Variants in ZNF48 observed in about 807,000 individuals in gnomAD.
ZNF48 encodes zinc finger protein 553.
ZNF48 carries 20 observed loss-of-function variants against 40.0 expected under a neutral mutation model. That is an observed-to-expected ratio of 0.50 (90% CI 0.35 to 0.73). The LOEUF (loss-of-function observed/expected upper bound fraction) is 0.73, where lower values mean the gene tolerates loss of function less well. Ranked by LOEUF, ZNF48 falls within the 30% of genes least tolerant of loss-of-function variation. The pLI is 0.01. For synonymous variants in ZNF48, 298 were observed against 329.7 expected (o/e 0.90, Z 1.04); for missense variants, 726 against 851.9 (o/e 0.85, Z 1.84).
At position 30,381,382 on chromosome 16, in the gene ZNF48, G is replaced by A. The variant is rs556208566; in HGVS notation, c.-16+2972G>A. 2.0e-5 allele frequency: 33 copies of A among 1,613,110 alleles called. No individual in the cohort carries two copies. Among genetic ancestry groups the A allele is most frequent in the South Asian group, 1.1e-4 (10 of 91,034 alleles). ...ATGAAGTAGAGGCAGCAGTGGACTCGGGAGTCCTGGATGTTCTTCCGGTTC... is the reference window on the plus strand; with the variant it reads ...ATGAAGTAGAGGCAGCAGTGGACTCAGGAGTCCTGGATGTTCTTCCGGTTC... On this transcript the variant is annotated intron_variant, in intron 1 of 2. Coordinates refer to the ZNF48 transcript ENST00000528032. The surrounding 1 kb of genome is among the most constrained non-coding windows in gnomAD (Gnocchi z 4.3).
chr16:30,386,430 T>C (rs1014704140), intron 1 of ZNF48, among the ~76,000 whole-genome samples: 68 of 152,038 alleles, frequency 4.5e-4, no homozygotes, highest in African/African-American at 1.6e-3. Flanking sequence ...CCCAGCACTT[T>C]GGGAGGCTGA....
chr16:30,378,353 C>T lies in ZNF48; in HGVS notation c.-73C>T, dbSNP rs2049779355. The T allele has an allele frequency of 6.0e-6, 8 of 1,329,590 alleles. No homozygotes were observed. In the South Asian group the frequency reaches 6.9e-5, roughly 11 times the overall value. The allele number at this position is 1,329,590 out of a possible 1,614,324, so 82.4% of individuals were successfully genotyped here. A position where few individuals can be genotyped will look rare whatever the true frequency, so the allele number is the denominator to read the frequency against. ...CGGCACCCGCGGAGGTCCCGGGGGG[C>T]GCTGGGCAGTGTGGGGCGCGGGGAT... On this transcript the variant is annotated 5_prime_UTR_variant, in exon 1 of 3. Transcript: ENST00000528032.
At chr16:30,387,944 G>T (rs574696642) in intron 1 of ZNF48, among the ~76,000 whole-genome samples, 1 of 151,574 alleles carries the variant, frequency 6.6e-6, no homozygotes, top group African/African-American at 2.4e-5. Flanking sequence ...TGCTTTTGTT[G>T]CTTCATGTGT....
chr16:30,397,978 G>C lies in ZNF48; in HGVS notation c.728G>C (p.Arg243Pro), dbSNP rs573433521. ...CGCATCAAGCACCAGCGGACACACC[G>C]GGGGGAGCAGCCCCCCCGACCAGTG... ...SARIKHQRTH[R>P]GEQPPRPVVP... is the part of the protein sequence containing the mutation. Residue 243 changes from arginine to proline, a missense_variant, in exon 3 of 3, where the codon CGG (arginine) becomes CCG (proline). Arg to Pro is a moderately radical substitution (Grantham distance 103). Around this residue, in one of 5 missense-constraint regions of ZNF48, gnomAD observed 378 missense variants for 449.1 expected, o/e 0.84. Coordinates refer to ENST00000613509, the MANE Select transcript of ZNF48 (RefSeq NM_001214909.2). The surrounding 1 kb of genome is among the most constrained non-coding windows in gnomAD (Gnocchi z 4.1). The C allele has an allele frequency of 2.5e-5, 41 of 1,613,458 alleles. No homozygotes were observed. The Admixed American group carries it at 4.7e-4, about 18-fold the overall frequency.
rs759243307 is a variant in ZNF48, at chr16:30,381,331, C to A, written c.-16+2921C>A. On this transcript the variant is annotated intron_variant, in intron 1 of 2. Transcript: ENST00000528032. This position sits in a 1 kb window ranked among gnomAD's most constrained non-coding sequence, Gnocchi z 4.3. ...AATGCGCCAGCCCCCAGGATCCCCC[C>A]ACCAGACCCCCGGCCGAAGGGTGAG... 2 of 1,613,386 alleles carry A rather than the reference C, an allele frequency of 1.2e-6. No individual in the cohort carries two copies. Among genetic ancestry groups the A allele is most frequent in the Admixed American group, 1.7e-5 (1 of 59,970 alleles).
Position 30,398,004 on chromosome 16 carries a change from G to A in ZNF48, c.754G>A (p.Val252Met), listed in dbSNP as rs1042078879. ...HRGEQPPRPV[V>M]PRRQPSRAAT... The stretch of plus-strand genomic sequence containing the variant: ...GGGGGAGCAGCCCCCCCGACCAGTG[G>A]TGCCCCGACGGCAGCCATCTCGGGC... Residue 252 changes from valine to methionine, a missense_variant, in exon 3 of 3, where the codon GTG becomes ATG. Physicochemically the swap from Val to Met is conservative, Grantham distance 21 (BLOSUM62 1). Around this residue, in one of 5 missense-constraint regions of ZNF48, gnomAD observed 378 missense variants for 449.1 expected, o/e 0.84. Transcript: ENST00000613509. This position sits in a 1 kb window ranked among gnomAD's most constrained non-coding sequence, Gnocchi z 6.6. 3.1e-6 allele frequency: 5 copies of A among 1,613,068 alleles called. No homozygotes were observed. The highest frequency in any genetic ancestry group is 4.2e-6 in the Non-Finnish European group (5 of 1,179,570).
At position 30,398,947 on chromosome 16, in the gene ZNF48, CGGG is replaced by C; in HGVS notation, c.1700_1702del (p.Gly567del). ...CTGGTCAAACACAGGCGTACACACACGGGGGAGAAGCCATACAAGTGTGCAGAG... is the reference window on the plus strand; with the variant it reads ...CTGGTCAAACACAGGCGTACACACACGGAGAAGCCATACAAGTGTGCAGAG... On this transcript the variant is annotated inframe_deletion, in exon 3 of 3. Coordinates refer to ENST00000613509, the MANE Select transcript of ZNF48 (RefSeq NM_001214909.2). This position sits in a 1 kb window ranked among gnomAD's most constrained non-coding sequence, Gnocchi z 6.6. The C allele has an allele frequency of 6.2e-7, 1 of 1,613,942 alleles. No individual in the cohort carries two copies. Among genetic ancestry groups the C allele is most frequent in the Non-Finnish European group, 8.5e-7 (1 of 1,179,942 alleles).
chr16:30,399,077 C>G lies in ZNF48; in HGVS notation c.1827C>G (p.Leu609=). The G allele has an allele frequency of 6.2e-7, 1 of 1,600,148 alleles. No homozygotes were observed. The highest frequency in any genetic ancestry group is 8.5e-7 in the Non-Finnish European group (1 of 1,172,368). Residue 609 remains leucine, a synonymous_variant, in exon 3 of 3, where the codon CTC becomes CTG. Transcript: ENST00000613509. ...TAGGGGATGGTAGGGCAAGGCCCCTCAAGCAGGAGGCAGCAACAGGACTGG... is the reference window on the plus strand; with the variant it reads ...TAGGGGATGGTAGGGCAAGGCCCCTGAAGCAGGAGGCAGCAACAGGACTGG... ...FGIGDGRARP[L]KQEAATGLE
intron 2 of ZNF48, among the ~76,000 whole-genome samples, chr16:30,396,402 C>T (rs1210326514): frequency 6.6e-6 from 1 of 152,138 alleles, no homozygotes; most frequent in East Asian, 1.9e-4. Flanking sequence ...TCTCCTATCT[C>T]TCTTGTGACA....
intron 1 of ZNF48, chr16:30,379,353 C>G: frequency 6.9e-7 from 1 of 1,450,200 alleles, no homozygotes; most frequent in Non-Finnish European, 9.6e-7. Context: ...AAAGCCCACC[C>G]CAACTTCACA....
rs1305456154 is a variant in ZNF48 at position 30,398,961 on chromosome 16, T to C, written c.1711T>C (p.Tyr571His). The change falls in exon 3 of 3, where the codon TAC becomes CAC. Residue 571 changes from tyrosine to histidine, a missense_variant. By Grantham distance (83) the Tyr-to-His change is moderately conservative. Around this residue, in one of 5 missense-constraint regions of ZNF48, gnomAD observed 166 missense variants for 163.6 expected, o/e 1.01. Coordinates refer to ENST00000613509, the MANE Select transcript of ZNF48 (RefSeq NM_001214909.2). This position sits in a 1 kb window ranked among gnomAD's most constrained non-coding sequence, Gnocchi z 6.6. ...HRRTHTGEKP[Y>H]KCAECGKGFG... ...GCGTACACACACGGGGGAGAAGCCA[T>C]ACAAGTGTGCAGAGTGTGGCAAGGG... 2 of 1,612,912 alleles carry C rather than the reference T, an allele frequency of 1.2e-6. No individual in the cohort carries two copies. The highest frequency in any genetic ancestry group is 1.7e-6 in the Non-Finnish European group (2 of 1,179,646).
At chr16:30,379,539 A>AGGGCAGG (rs2049810972) in intron 1 of ZNF48, 3 of 1,591,702 alleles carry the variant, frequency 1.9e-6, no homozygotes, top group African/African-American at 2.7e-5. Flanking sequence ...GCTTTCCTGG[A>AGGGCAGG]GGGCAGGGGG....
At chr16:30,385,178 AT>A (rs2049891263) in intron 1 of ZNF48, among the ~76,000 whole-genome samples, 1 of 4,594 alleles carries the variant, frequency 2.2e-4, no homozygotes, top group Non-Finnish European at 1.9e-3. Context: ...TCTTTCTCAA[AT>A]AATAATAATA....
At chr16:30,392,797 A>C (rs1161563188), upstream of ZNF48, among the ~76,000 whole-genome samples, 1 of 152,178 alleles carries the variant, frequency 6.6e-6, no homozygotes, top group Non-Finnish European at 1.5e-5. Flanking sequence ...TCTGTGCGCT[A>C]CACTCCTATA....
chr16:30,378,329 G>A (rs925878511), exon 1 of ZNF48: 2 of 1,125,690 alleles, frequency 1.8e-6, no homozygotes, highest in African/African-American at 3.2e-5. Context: ...GCGCGAGGGC[G>A]GCACCCGCGG....
chr16:30,378,401 C>A, exon 1 of ZNF48: 1 of 1,529,776 alleles, frequency 6.5e-7, no homozygotes, highest in Non-Finnish European at 8.7e-7. Context: ...CGACTGAAGG[C>A]GGAGCCGAGG....
upstream of ZNF48, among the ~76,000 whole-genome samples, chr16:30,392,290 TGGGATTACAG>T (rs2049949071): frequency 6.6e-6 from 1 of 152,184 alleles, no homozygotes; most frequent in African/African-American, 2.4e-5. Context: ...CCCAAAGTGC[TGGGATTACAG>T]GAGTGAGCCA....
At chr16:30,379,199 C>A (rs1285121577) in intron 1 of ZNF48, 2 of 1,613,034 alleles carry the variant, frequency 1.2e-6, no homozygotes, top group African/African-American at 2.7e-5. Context: ...GGGGGGGCGG[C>A]GCGGACCAGC....
chr16:30,384,322 A>G (rs2049883265), intron 1 of ZNF48, among the ~76,000 whole-genome samples: 1 of 151,964 alleles, frequency 6.6e-6, no homozygotes, highest in Non-Finnish European at 1.5e-5. Context: ...AGGTCAAGAG[A>G]TTGAGACCAT....
Sources: allele counts gnomAD v4.1 joint callset (sites outside exome capture counted in the v4.1 genomes callset), GRCh38; gene constraint gnomAD v4.1.1; regional missense constraint gnomAD v4.1.1; non-coding constraint Gnocchi (gnomAD v3.1); transcripts MANE v1.5; gene names NCBI Gene and HGNC (gene_info 2026-07-23, HGNC 2026-07-21).